FAM193A: variants seen among roughly 807,000 people sequenced by gnomAD.
The protein encoded by FAM193A is protein FAM193A.
FAM193A carries 22 observed loss-of-function variants against 126.5 expected under a neutral mutation model. The observed-to-expected ratio is 0.17, with a 90% CI of 0.12 to 0.25. The LOEUF is 0.25. FAM193A is among the 10% of genes least tolerant of loss of function. The pLI is 1.00. For missense variants in FAM193A, 1,675 were observed against 1,672.8 expected, an observed-to-expected ratio of 1.00 and a Z score of -0.02; for synonymous variants, 761 against 646.8, an observed-to-expected ratio of 1.18 and a Z score of -2.68.
Position 2,732,162 on chromosome 4 carries a change from TAGG to T in FAM193A, c.*297_*299del, listed in dbSNP as rs1354334560. The T allele has an allele frequency of 6.9e-6, 3 of 437,070 alleles. No homozygotes were observed. The highest frequency in any genetic ancestry group is 1.3e-5 in the Non-Finnish European group (3 of 235,074). 27.1% of individuals were successfully genotyped at this position (437,070 alleles called of 1,614,324 possible). On this transcript the variant is annotated 3_prime_UTR_variant, in exon 21 of 21. Coordinates refer to ENST00000637812, the MANE Select transcript of FAM193A (RefSeq NM_001366318.2). ...CTCGGAGGCCTGGGCCGTGGCCAGA[TAGG>T]AGTTTGCATCATCCACGTGGCTCCG...
intron 20 of FAM193A, among the ~76,000 whole-genome samples, chr4:2,717,904 C>G (rs1034380675): frequency 2.6e-5 from 4 of 152,194 alleles, no homozygotes. Flanking sequence ...TCCACCCCCC[C>G]TTGGCCTCCC....
At chr4:2,673,122 A>T (rs1252953970) in intron 13 of FAM193A, among the ~76,000 whole-genome samples, 1 of 152,152 alleles carries the variant, frequency 6.6e-6, no homozygotes, top group Non-Finnish European at 1.5e-5. Flanking sequence ...TTTTGAGCTT[A>T]ACTTTACCAG....
In FAM193A at chr4:2,693,659, G is replaced by A. The variant is rs778638704; in HGVS notation, c.2877G>A (p.Thr959=). 6 of 1,614,126 alleles carry A rather than the reference G, an allele frequency of 3.7e-6. No individual in the cohort carries two copies. The highest frequency in any genetic ancestry group is 2.2e-5 in the East Asian group (1 of 44,868). The change falls in exon 16 of 21, where the codon ACG becomes ACA. Residue 959 remains threonine, a synonymous_variant. Coordinates refer to ENST00000637812, the MANE Select transcript of FAM193A (RefSeq NM_001366318.2). ...SAPAAPRNSP[T]GLAPLPALSP... is the part of the protein sequence containing the mutation. ...CAGCCGCCCCGAGGAATAGCCCCAC[G>A]GGCTTGGCCCCCCTCCCAGCGCTCT...
chr4:2,608,010 T>C (rs1259364312), intron 2 of FAM193A: 4 of 1,597,632 alleles, frequency 2.5e-6, no homozygotes, highest in Non-Finnish European at 3.4e-6. Flanking sequence ...TGCTGGGGTG[T>C]GAATGTGCAC....
chr4:2,707,312 A>G (rs1424834190), intron 19 of FAM193A, among the ~76,000 whole-genome samples: 2 of 152,116 alleles, frequency 1.3e-5, no homozygotes, highest in Admixed American at 1.3e-4. Flanking sequence ...TATTTTTCAC[A>G]TTTCTTACTG....
intron 2 of FAM193A, among the ~76,000 whole-genome samples, chr4:2,599,563 G>T (rs1046598425): frequency 6.6e-6 from 1 of 152,144 alleles, no homozygotes; most frequent in Admixed American, 6.6e-5. Context: ...TTAACATCTT[G>T]CCTGACAGTT....
chr4:2,592,149 T>C (rs902432478), intron 1 of FAM193A, among the ~76,000 whole-genome samples: 8 of 152,186 alleles, frequency 5.3e-5, no homozygotes, highest in African/African-American at 1.9e-4. Flanking sequence ...TGGAATGCAG[T>C]GGCGCGATAT....
At chr4:2,541,351 A>C (rs1219699053) in intron 1 of FAM193A, among the ~76,000 whole-genome samples, 1 of 152,184 alleles carries the variant, frequency 6.6e-6, no homozygotes, top group Non-Finnish European at 1.5e-5. Context: ...ACAAAAAACA[A>C]ACAAAATATT....
At chr4:2,717,748 C>G (rs1346434302) in intron 20 of FAM193A, among the ~76,000 whole-genome samples, 2 of 130,256 alleles carry the variant, frequency 1.5e-5, no homozygotes, top group African/African-American at 5.9e-5. Context: ...GAGCAAGACC[C>G]TGTCTGAAAA....
chr4:2,663,776 G>A (rs1341635200), intron 12 of FAM193A, among the ~76,000 whole-genome samples: 3 of 152,172 alleles, frequency 2.0e-5, no homozygotes, highest in African/African-American at 7.2e-5. Context: ...AGACCAGGCT[G>A]GCCAACATGG....
chr4:2,730,276 T>TGG (rs1721224016), intron 20 of FAM193A, among the ~76,000 whole-genome samples: 1 of 152,244 alleles, frequency 6.6e-6, no homozygotes, highest in Non-Finnish European at 1.5e-5. Flanking sequence ...ACTATTTGCC[T>TGG]GGCTAAGACC....
At chr4:2,685,745 A>G (rs78486415) in intron 13 of FAM193A, among the ~76,000 whole-genome samples, 1 of 152,190 alleles carries the variant, frequency 6.6e-6, no homozygotes, top group Non-Finnish European at 1.5e-5. Context: ...TCTTGCACCC[A>G]TGTTCCATGT....
chr4:2,596,008 G>T, intron 1 of FAM193A, 76 bp from the exon 2 acceptor site: 1 of 626,422 alleles, frequency 1.6e-6, no homozygotes, highest in South Asian at 1.9e-5. Flanking sequence ...TTTAGTTTTA[G>T]AACTATACAT....
In FAM193A at chr4:2,599,216, G is replaced by T. The variant is rs1408462068; in HGVS notation, c.501+2887G>T. 2.1e-5 allele frequency among the ~76,000 whole-genome samples: 3 copies of T among 146,068 alleles called. No homozygotes were observed. In the East Asian group the frequency reaches 5.9e-4, roughly 29 times the overall value. The stretch of plus-strand genomic sequence containing the variant: ...TTCAGAATTTGTTTAAAGTTAAACT[G>T]TTTTTTTTTTTTCTAACCACTTTTA... On this transcript the variant is annotated intron_variant, in intron 2 of 20. Transcript: ENST00000637812.
chr4:2,656,600 G>A (rs2282766), intron 7 of FAM193A, among the ~76,000 whole-genome samples: 49,284 of 152,034 alleles, frequency 0.32, 9,436 homozygotes, highest in Admixed American at 0.52. Context: ...CATGGGTAGC[G>A]AAGGCCACAC....
At chr4:2,666,082 G>A (rs984780093) in intron 12 of FAM193A, among the ~76,000 whole-genome samples, 8 of 152,182 alleles carry the variant, frequency 5.3e-5, no homozygotes, top group Non-Finnish European at 8.8e-5. Flanking sequence ...TAGGGGGAAA[G>A]CATTTAATCT....
chr4:2,728,849 G>A (rs1188998887), intron 20 of FAM193A, among the ~76,000 whole-genome samples: 5 of 147,816 alleles, frequency 3.4e-5, no homozygotes, highest in Non-Finnish European at 5.9e-5. Flanking sequence ...GCTTTAAATA[G>A]TGGTTACCCT....
At chr4:2,598,953 C>T (rs1376825690) in intron 2 of FAM193A, among the ~76,000 whole-genome samples, 1 of 152,200 alleles carries the variant, frequency 6.6e-6, no homozygotes, top group South Asian at 2.1e-4. Context: ...CCACCTCTGC[C>T]CGGTGGCAGC....
intron 15 of FAM193A, among the ~76,000 whole-genome samples, chr4:2,692,850 A>AGAGG (rs950957402): frequency 1.2e-5 from 1 of 83,090 alleles, no homozygotes; most frequent in African/African-American, 3.5e-5. Flanking sequence ...AAAAAAAGAG[A>AGAGG]GAGGGAGGGA....
Sources: gnomAD v4.1 joint callset for allele counts (sites outside exome capture counted in the v4.1 genomes callset) on GRCh38, gnomAD v4.1.1 for gene constraint, MANE v1.5 for transcripts, NCBI Gene and HGNC (gene_info 2026-07-23, HGNC 2026-07-21) for gene names.